Variants in TPST1 observed in about 807,000 individuals in gnomAD.
TPST1 encodes the protein protein-tyrosine sulfotransferase 1.
TPST1 carries 20 observed loss-of-function variants against 34.8 expected under a neutral mutation model. The observed-to-expected ratio is 0.57, with a 90% confidence interval of 0.40 to 0.84. The LOEUF (loss-of-function observed/expected upper bound fraction) is 0.84, where lower values mean the gene tolerates loss of function less well. Ranked by LOEUF, TPST1 falls within the 40% of genes least tolerant of loss-of-function variation. The pLI is 0.00. For missense variants in TPST1, 353 were observed against 455.5 expected, an observed-to-expected ratio of 0.78 and a Z score of 2.05; for synonymous variants, 152 against 159.4, an observed-to-expected ratio of 0.95 and a Z score of 0.35.
intron 2 of TPST1, among the ~76,000 whole-genome samples, chr7:66,261,134 A>C (rs765737775): frequency 1.2e-4 from 18 of 151,602 alleles, no homozygotes; most frequent in Non-Finnish European, 2.2e-4. Flanking sequence ...AGCTGGGGCA[A>C]TTATGGGGAT....
chr7:66,310,569 G>A lies in TPST1; in HGVS notation c.1044+23860G>A, dbSNP rs117640644. ...CATCGAGAGAAGCAGAGCCAAAGAGGTCAAGGGAGTGTCTGGCAGGGGTTG... is the reference window on the plus strand; with the variant it reads ...CATCGAGAGAAGCAGAGCCAAAGAGATCAAGGGAGTGTCTGGCAGGGGTTG... On this transcript the variant is annotated intron_variant, in intron 3 of 5. Transcript: ENST00000304842. Among the ~76,000 whole-genome samples the A allele has an allele frequency of 7.8e-3, 1,191 of 152,226 alleles. 8 individuals carry two copies. Among genetic ancestry groups the A allele is most frequent in the Middle Eastern group, 0.014 (4 of 294 alleles).
At chr7:66,270,965 A>G (rs970446298) in intron 2 of TPST1, among the ~76,000 whole-genome samples, 6 of 152,200 alleles carry the variant, frequency 3.9e-5, no homozygotes, top group Admixed American at 3.9e-4. Context: ...ATGAAGAGAC[A>G]TATCCTTGCC....
chr7:66,212,038 C>T (rs1387855203), intron 1 of TPST1, among the ~76,000 whole-genome samples: 1 of 152,194 alleles, frequency 6.6e-6, no homozygotes, highest in African/African-American at 2.4e-5. Flanking sequence ...ATTATTTGCT[C>T]TGTAATGTCT....
At chr7:66,274,318 GAT>G (rs1309804489) in intron 2 of TPST1, among the ~76,000 whole-genome samples, 4 of 151,048 alleles carry the variant, frequency 2.6e-5, no homozygotes, top group Non-Finnish European at 4.4e-5. Flanking sequence ...TGAGCGTTGA[GAT>G]CGCGTCACTG....
intron 1 of TPST1, among the ~76,000 whole-genome samples, chr7:66,214,729 A>G (rs1479013693): frequency 6.6e-6 from 1 of 150,896 alleles, no homozygotes; most frequent in East Asian, 1.9e-4. Context: ...AGGCAGGAGG[A>G]TCTCTTGAAC....
At chr7:66,199,313 G>A in the TPST1 span, among the ~76,000 whole-genome samples, 4 of 23,852 alleles carry the variant, frequency 1.7e-4, no homozygotes, top group Non-Finnish European at 2.6e-4. Context: ...TTTTTTTTTT[G>A]AGATGGAATC....
chr7:66,354,344 G>A (rs758281506), intron 4 of TPST1, among the ~76,000 whole-genome samples: 14 of 151,976 alleles, frequency 9.2e-5, no homozygotes, highest in East Asian at 1.9e-4. Flanking sequence ...GGTGGTTCAC[G>A]CCTGTAATCC....
chr7:66,259,476 C>CT (rs1308951548), intron 2 of TPST1, among the ~76,000 whole-genome samples: 6 of 151,400 alleles, frequency 4.0e-5, no homozygotes, highest in Admixed American at 6.6e-5. Context: ...AAATTGTGTA[C>CT]TTTTTTTTTC....
At chr7:66,266,139 A>C (rs887475276) in intron 2 of TPST1, among the ~76,000 whole-genome samples, 1 of 152,198 alleles carries the variant, frequency 6.6e-6, no homozygotes, top group African/African-American at 2.4e-5. Flanking sequence ...TCCAATAATC[A>C]ACTGCCAGAG....
In TPST1 at chr7:66,320,421, G is replaced by T. The variant is rs1290927849; in HGVS notation, c.1045-32084G>T. ...CGCCACCATGCCTGGCTAATTTTTTGTATTTTTAGTAGAGGCGGGGTTTCA... is the reference window on the plus strand; with the variant it reads ...CGCCACCATGCCTGGCTAATTTTTTTTATTTTTAGTAGAGGCGGGGTTTCA... On this transcript the variant is annotated intron_variant, in intron 3 of 5. Transcript: ENST00000304842. 2.0e-5 allele frequency among the ~76,000 whole-genome samples: 3 copies of T among 150,582 alleles called. 1 individual carries two copies. Among genetic ancestry groups the T allele is most frequent in the South Asian group, 4.2e-4 (2 of 4,780 alleles).
At chr7:66,352,109 A>C (rs1280420688) in intron 3 of TPST1, among the ~76,000 whole-genome samples, 1 of 152,208 alleles carries the variant, frequency 6.6e-6, no homozygotes, top group Non-Finnish European at 1.5e-5. Flanking sequence ...GTATCCTTGG[A>C]GAATTCAAAA....
chr7:66,216,661 A>C (rs1225013987), intron 1 of TPST1, among the ~76,000 whole-genome samples: 1 of 151,734 alleles, frequency 6.6e-6, no homozygotes, highest in Non-Finnish European at 1.5e-5. Context: ...GTAGAGACGA[A>C]GTTTCACCAT....
chr7:66,286,431 A>C, intron 2 of TPST1, 80 bp from the exon 3 acceptor site: 1 of 1,144,656 alleles, frequency 8.7e-7, no homozygotes, highest in Non-Finnish European at 1.1e-6. Context: ...TAGTCATTAA[A>C]ACATAATTTA....
In TPST1 at chr7:66,240,975, C is replaced by T. The variant is rs779825014; in HGVS notation, c.550C>T (p.Arg184Ter). ...CAATGCCAAATTTCTCCTGATGGTC[C>T]GAGATGGCCGGGCATCAGTACATTC... is the stretch of plus-strand genomic sequence containing the variant. ...FPNAKFLLMV[R>*]DGRASVHSMI... The change falls in exon 2 of 6, where the codon CGA becomes TGA. Residue 184 changes from arginine to a stop codon, truncating the protein, a stop_gained. Transcript: ENST00000304842. LOFTEE classifies it high-confidence loss of function. 3.7e-6 allele frequency: 6 copies of T among 1,614,134 alleles called. No individual in the cohort carries two copies. The highest frequency in any genetic ancestry group is 1.1e-5 in the South Asian group (1 of 91,082).
intron 1 of TPST1, among the ~76,000 whole-genome samples, chr7:66,215,636 G>A (rs1789384754): frequency 6.6e-6 from 1 of 151,538 alleles, no homozygotes; most frequent in Non-Finnish European, 1.5e-5. Context: ...GGCCTCCAAA[G>A]TGCTGGGATT....
chr7:66,358,453 A>T (rs1424975489), intron 5 of TPST1, among the ~76,000 whole-genome samples: 1 of 151,840 alleles, frequency 6.6e-6, no homozygotes, highest in Admixed American at 6.6e-5. Context: ...TATATAACAG[A>T]TACGCTAAAT....
chr7:66,271,224 G>A (rs1360318197), intron 2 of TPST1, among the ~76,000 whole-genome samples: 1 of 152,082 alleles, frequency 6.6e-6, no homozygotes, highest in Non-Finnish European at 1.5e-5. Flanking sequence ...TGTGACCTCA[G>A]TTGTGTCTGA....
chr7:66,230,641 C>T (rs985876374), intron 1 of TPST1, among the ~76,000 whole-genome samples: 2 of 152,134 alleles, frequency 1.3e-5, no homozygotes, highest in African/African-American at 4.8e-5. Flanking sequence ...GTGAGTGTTA[C>T]AGCTCATAAA....
rs182775816 is a variant in TPST1 at position 66,242,320 on chromosome 7, T to C, written c.845+1050T>C. Among the ~76,000 whole-genome samples the C allele has an allele frequency of 3.5e-4, 54 of 152,222 alleles. No individual in the cohort carries two copies. The East Asian group carries it at 9.6e-3, about 27-fold the overall frequency. On this transcript the variant is annotated intron_variant, in intron 2 of 5. Transcript: ENST00000304842. Reference sequence around the variant, plus strand: ...GAAATATAAAAGGTGTTATATATACTTTTTATCAAAGTAATATATAACACC... The same window carrying C: ...GAAATATAAAAGGTGTTATATATACCTTTTATCAAAGTAATATATAACACC...
Sources: allele counts gnomAD v4.1 joint callset (sites outside exome capture counted in the v4.1 genomes callset), GRCh38; gene constraint gnomAD v4.1.1; transcripts MANE v1.5; gene names NCBI Gene and HGNC (gene_info 2026-07-23, HGNC 2026-07-21).